Variants in PRDM11 observed in about 807,000 individuals in gnomAD.
PRDM11 encodes PR/SET domain 11.
Under a neutral mutation model 97.8 loss-of-function variants are expected in PRDM11, and 20 were observed. The observed-to-expected ratio is 0.20, with a 90% CI of 0.14 to 0.30. PRDM11 has a LOEUF of 0.30. Ranked by LOEUF, PRDM11 falls within the 10% of genes least tolerant of loss-of-function variation. The probability of loss-of-function intolerance (pLI) is 1.00; values close to 1 mark genes in which losing one functional copy is unlikely to be tolerated. For synonymous variants in PRDM11, 599 were observed against 637.7 expected (o/e 0.94, Z 0.91); for missense variants, 1,139 against 1,555.2 (o/e 0.73, Z 4.50).
At chr11:45,151,586 C>T (rs775537896) in intron 1 of PRDM11, among the ~76,000 whole-genome samples, 5 of 152,180 alleles carry the variant, frequency 3.3e-5, no homozygotes, top group African/African-American at 4.8e-5. Flanking sequence ...GGGGGTACCA[C>T]GTGCAAGTTA....
intron 1 of PRDM11, among the ~76,000 whole-genome samples, chr11:45,156,193 G>A (rs1851789984): frequency 6.6e-6 from 1 of 152,220 alleles, no homozygotes; most frequent in Admixed American, 6.5e-5. Context: ...GATGGGCAGT[G>A]TAAAGAAAGT....
intron 1 of PRDM11, among the ~76,000 whole-genome samples, chr11:45,123,033 TTC>T (rs1852475979): frequency 6.6e-6 from 1 of 152,132 alleles, no homozygotes; most frequent in Admixed American, 6.5e-5. Flanking sequence ...ATGATCGCCA[TTC>T]TAACTGGTGT....
At position 45,228,196 on chromosome 11, in the gene PRDM11, A is replaced by G. The variant is rs1168114645; in HGVS notation, c.*37A>G. 6.3e-6 allele frequency: 9 copies of G among 1,419,304 alleles called. No individual in the cohort carries two copies. The East Asian group carries it at 1.0e-4, about 16-fold the overall frequency. The allele number at this position is 1,419,304 out of a possible 1,614,324, so 87.9% of individuals were successfully genotyped here. The stretch of plus-strand genomic sequence containing the variant: ...TGCAGAGTTCACTAAGCTGTTGAAT[A>G]TTTTTTTAATCTATACTCATAAGCT... On this transcript the variant is annotated 3_prime_UTR_variant, in exon 8 of 8. Transcript: ENST00000683152.
chr11:45,146,543 G>C (rs984759088), upstream of PRDM11: 1 of 152,010 alleles, frequency 6.6e-6, no homozygotes, highest in Non-Finnish European at 1.5e-5. Flanking sequence ...AGTTTTCTCC[G>C]GGGCCGGGTC....
chr11:45,177,480 C>T (rs1852357037), intron 1 of PRDM11, among the ~76,000 whole-genome samples: 2 of 152,186 alleles, frequency 1.3e-5, no homozygotes, highest in African/African-American at 4.8e-5. Flanking sequence ...TGAAGGACAC[C>T]AGCACATGTT....
intron 1 of PRDM11, among the ~76,000 whole-genome samples, chr11:45,156,954 T>G (rs951810873): frequency 2.6e-5 from 4 of 151,940 alleles, no homozygotes; most frequent in African/African-American, 9.7e-5. Context: ...CATGGGTGTT[T>G]AGAGAAGCAG....
chr11:45,127,879 C>G (rs1336460471), intron 1 of PRDM11, among the ~76,000 whole-genome samples: 1 of 152,254 alleles, frequency 6.6e-6, no homozygotes, highest in Non-Finnish European at 1.5e-5. Context: ...CTCTTCAAAG[C>G]TGTCAGATAG....
At chr11:45,127,300 A>G (rs539872582) in intron 1 of PRDM11, among the ~76,000 whole-genome samples, 1 of 152,204 alleles carries the variant, frequency 6.6e-6, no homozygotes, top group African/African-American at 2.4e-5. Context: ...TGTAGCTCGG[A>G]GTAGTTTGAT....
At chr11:45,150,617 C>T (rs1851636709) in intron 1 of PRDM11, among the ~76,000 whole-genome samples, 1 of 152,160 alleles carries the variant, frequency 6.6e-6, no homozygotes, top group African/African-American at 2.4e-5. Context: ...GTTCCCCATC[C>T]TTACTGGTGT....
chr11:45,195,341 C>T (rs777494174), intron 4 of PRDM11, among the ~76,000 whole-genome samples: 6 of 152,134 alleles, frequency 3.9e-5, no homozygotes, highest in Admixed American at 3.3e-4. Context: ...CTCTGGCTGT[C>T]GTTCCCCTCT....
chr11:45,225,865 C>T, intron 7 of PRDM11, 130 bp from the exon 8 acceptor site: 1 of 1,182,968 alleles, frequency 8.5e-7, no homozygotes, highest in South Asian at 1.8e-5. Context: ...GGATTCAATC[C>T]ATCATAGGCT....
intron 5 of PRDM11, chr11:45,212,470 T>C (rs970102292): frequency 3.6e-5 from 14 of 394,250 alleles, no homozygotes; most frequent in South Asian, 2.4e-4. Context: ...TCCCCCAAGA[T>C]GATGAAGATG....
rs1854382612 is a variant in PRDM11, at chr11:45,230,672, A to G, written c.*2513A>G. The G allele has an allele frequency of 6.6e-6, 1 of 152,292 alleles. No individual in the cohort carries two copies. The highest frequency in any genetic ancestry group is 2.1e-4 in the South Asian group (1 of 4,830). The allele number at this position is 152,292 out of a possible 1,614,324, so 9.4% of individuals were successfully genotyped here. ...AAGACAGGGCTTGGTGAGGGCAGAA[A>G]CAGTAGGTTGAGATCCTTTCTTCTA... On this transcript the variant is annotated 3_prime_UTR_variant, in exon 8 of 8. Coordinates refer to ENST00000683152, the MANE Select transcript of PRDM11 (RefSeq NM_001384648.1).
intron 4 of PRDM11, among the ~76,000 whole-genome samples, chr11:45,202,015 C>T (rs1853347993): frequency 6.6e-6 from 1 of 152,104 alleles, no homozygotes; most frequent in Non-Finnish European, 1.5e-5. Flanking sequence ...CGCTATGTTG[C>T]CCAGGCTTGT....
At position 45,146,800 on chromosome 11, in the gene PRDM11, C is replaced by T. The variant is rs1404959507; in HGVS notation, c.-84C>T. 6.8e-6 allele frequency: 1 copy of T among 146,422 alleles called. No individual in the cohort carries two copies. Among genetic ancestry groups the T allele is most frequent in the Non-Finnish European group, 1.5e-5 (1 of 65,794 alleles). 9.1% of individuals were successfully genotyped at this position (146,422 alleles called of 1,614,324 possible). A position where few individuals can be genotyped will look rare whatever the true frequency, so the allele number is the denominator to read the frequency against. ...CTCCGCGGGGGCCGCCAGCCGAGGC[C>T]GCGCCGCCTCCGCCGAGCCGCCCGC... On this transcript the variant is annotated 5_prime_UTR_variant, in exon 1 of 8. Coordinates refer to ENST00000683152, the MANE Select transcript of PRDM11 (RefSeq NM_001384648.1).
upstream of PRDM11, among the ~76,000 whole-genome samples, chr11:45,141,749 AC>A (rs1351725013): frequency 1.3e-5 from 2 of 152,220 alleles, no homozygotes; most frequent in Non-Finnish European, 2.9e-5. Context: ...ACTGCACTGC[AC>A]CCCACCCATG....
chr11:45,203,756 G>A (rs1407860362), intron 4 of PRDM11, among the ~76,000 whole-genome samples: 1 of 152,022 alleles, frequency 6.6e-6, no homozygotes, highest in Non-Finnish European at 1.5e-5. Flanking sequence ...AAGTAGCTGG[G>A]ACTACAGGTG....
intron 1 of PRDM11, among the ~76,000 whole-genome samples, chr11:45,133,549 T>A (rs1852766415): frequency 1.3e-5 from 2 of 152,180 alleles, no homozygotes; most frequent in Admixed American, 1.3e-4. Context: ...CTGACCCAGA[T>A]TTTTTTAGTT....
At position 45,227,295 on chromosome 11, in the gene PRDM11, G is replaced by T; in HGVS notation, c.2670G>T (p.Val890=). The change falls in exon 8 of 8, where the codon GTG becomes GTT. Residue 890 remains valine, a synonymous_variant. Coordinates refer to ENST00000683152, the MANE Select transcript of PRDM11 (RefSeq NM_001384648.1). This position sits in a 1 kb window ranked among gnomAD's most constrained non-coding sequence, Gnocchi z 8.0. The part of the protein sequence containing the change: ...LIYFLLDVIA[V]LSRLAYIFQG... The stretch of plus-strand genomic sequence containing the variant: ...ACTTCCTGCTGGACGTGATTGCTGT[G>T]CTCTCGCGTCTGGCCTACATCTTCC... The T allele has an allele frequency of 6.5e-7, 1 of 1,533,980 alleles. No homozygotes were observed. Among genetic ancestry groups the T allele is most frequent in the Non-Finnish European group, 8.7e-7 (1 of 1,146,730 alleles).
Sources: allele counts gnomAD v4.1 joint callset (sites outside exome capture counted in the v4.1 genomes callset), GRCh38; gene constraint gnomAD v4.1.1; non-coding constraint Gnocchi (gnomAD v3.1); transcripts MANE v1.5; gene names NCBI Gene and HGNC (gene_info 2026-07-23, HGNC 2026-07-21).